SPTBN2: variants seen among roughly 807,000 people sequenced by gnomAD.
SPTBN2 encodes spectrin beta, non-erythrocytic 2, also known as spectrin beta chain, non-erythrocytic 2.
In SPTBN2, 107 loss-of-function variants were observed where a neutral mutation model predicts 284.2. That is an observed-to-expected ratio of 0.38 (90% confidence interval 0.32 to 0.44). SPTBN2 has a LOEUF of 0.44. Ranked by LOEUF, SPTBN2 falls within the 20% of genes least tolerant of loss-of-function variation. The pLI is 1.00. For missense variants in SPTBN2, 2,569 were observed against 3,287.1 expected, an observed-to-expected ratio of 0.78 and a Z score of 5.34; for synonymous variants, 1,289 against 1,354.8, an observed-to-expected ratio of 0.95 and a Z score of 1.07.
rs963520407 is a variant in SPTBN2, at chr11:66,720,945, A to C, written c.157+139T>G. On this transcript the variant is annotated intron_variant, in intron 3 of 37. Transcript: ENST00000533211. ...CCTATTCTTGAGGCTGGATGTGGGG[A>C]CCAGGGAATTGATAGAGTGCTCTGG... 6 of 1,153,024 alleles carry C rather than the reference A, an allele frequency of 5.2e-6. No individual in the cohort carries two copies. The African/African-American group carries it at 9.2e-5, about 18-fold the overall frequency. The allele number at this position is 1,153,024 out of a possible 1,614,324, so 71.4% of individuals were successfully genotyped here. A position where few individuals can be genotyped will look rare whatever the true frequency, so the allele number is the denominator to read the frequency against.
rs903836770 is a variant in SPTBN2 at position 66,684,634 on chromosome 11, CAAAAA to C, written c.*1232_*1236del. On this transcript the variant is annotated 3_prime_UTR_variant, in exon 38 of 38. Coordinates refer to ENST00000533211, the MANE Select transcript of SPTBN2 (RefSeq NM_006946.4). ...TGGCTGACAGAGTGAGACTCTGTCT[CAAAAA>C]AAAAAAAAAAAAAGAATATATATTA... Among the ~76,000 whole-genome samples the C allele has an allele frequency of 5.0e-5, 3 of 60,406 alleles. No homozygotes were observed. The highest frequency in any genetic ancestry group is 5.7e-5 in the African/African-American group (1 of 17,450). The allele number at this position is 60,406 out of a possible 152,430, so 39.6% of individuals were successfully genotyped here. A position where few individuals can be genotyped will look rare whatever the true frequency, so the allele number is the denominator to read the frequency against.
chr11:66,729,422 G>A (rs896806683), upstream of SPTBN2, among the ~76,000 whole-genome samples: 5 of 152,060 alleles, frequency 3.3e-5, no homozygotes, highest in Admixed American at 6.5e-5. Flanking sequence ...ATGAGGGCCC[G>A]TTTCTATCCA....
chr11:66,729,107 AGGCCTGACAC>A lies in SPTBN2; in HGVS notation c.-490_-481del, dbSNP rs1292574364. ...GGTGGGGGTGGGGGCAGACATTTCT[AGGCCTGACAC>A]GGCTGGGTTTCTCCTTGGTTTGTTA... is the stretch of plus-strand genomic sequence containing the variant. On this transcript the variant is annotated 5_prime_UTR_variant, in exon 1 of 38. Transcript: ENST00000533211. 4 of 152,682 alleles carry A rather than the reference AGGCCTGACAC, an allele frequency of 2.6e-5. No homozygotes were observed. The highest frequency in any genetic ancestry group is 9.7e-5 in the African/African-American group (4 of 41,408). 9.5% of individuals were successfully genotyped at this position (152,682 alleles called of 1,614,324 possible). A position where few individuals can be genotyped will look rare whatever the true frequency, so the allele number is the denominator to read the frequency against.
At chr11:66,709,415 T>C (rs1941741372) in intron 10 of SPTBN2, among the ~76,000 whole-genome samples, 1 of 152,140 alleles carries the variant, frequency 6.6e-6, no homozygotes, top group Non-Finnish European at 1.5e-5. Context: ...TGACCTCAAG[T>C]GATCCACCCG....
intron 1 of SPTBN2, among the ~76,000 whole-genome samples, chr11:66,742,662 T>G (rs1280669307): frequency 6.6e-6 from 1 of 151,682 alleles, no homozygotes; most frequent in African/African-American, 2.4e-5. Context: ...CGGGCTAGAG[T>G]GCAGTGGTGT....
At chr11:66,689,261 C>T in intron 29 of SPTBN2, 81 bp from the exon 30 acceptor site, 2 of 1,401,580 alleles carry the variant, frequency 1.4e-6, no homozygotes, top group Non-Finnish European at 2.0e-6. Context: ...TCCAGGGGGA[C>T]AGGTGATTTC....
Position 66,688,708 on chromosome 11 carries a change from T to C in SPTBN2, c.6176A>G (p.Gln2059Arg). The change falls in exon 31 of 38, where the codon CAG becomes CGG. Residue 2059 changes from glutamine to arginine, a missense_variant. Coordinates refer to ENST00000533211, the MANE Select transcript of SPTBN2 (RefSeq NM_006946.4). The part of the protein sequence containing the change: ...ESLIKRHEAF[Q>R]KSAVAWEERF... ...CTCCTCCCAGGCCACTGCTGACTTC[T>C]GGAAGGCCTCGTGCCGCTTGATGAG... The C allele has an allele frequency of 6.2e-7, 1 of 1,613,992 alleles. No individual in the cohort carries two copies. Among genetic ancestry groups the C allele is most frequent in the Non-Finnish European group, 8.5e-7 (1 of 1,180,022 alleles).
In SPTBN2 at chr11:66,691,266, C is replaced by T; in HGVS notation, c.5565+18G>A. On this transcript the variant is annotated intron_variant, in intron 27 of 37. Coordinates refer to ENST00000533211, the MANE Select transcript of SPTBN2 (RefSeq NM_006946.4). The surrounding 1 kb of genome is among the most constrained non-coding windows in gnomAD (Gnocchi z 8.0). ...GCCTCCTCTAAGCCTCCCCCACCTC[C>T]TCATGCTTGGGTCAGACCTGGGGGC... 6.6e-6 allele frequency: 10 copies of T among 1,515,416 alleles called. No homozygotes were observed. Among genetic ancestry groups the T allele is most frequent in the Non-Finnish European group, 8.8e-6 (10 of 1,130,626 alleles). The allele number at this position is 1,515,416 out of a possible 1,614,324, so 93.9% of individuals were successfully genotyped here. A position where few individuals can be genotyped will look rare whatever the true frequency, so the allele number is the denominator to read the frequency against.
At chr11:66,706,001 C>A (rs187857708) in intron 13 of SPTBN2, among the ~76,000 whole-genome samples, 164 bp from the exon 14 acceptor site, 1 of 152,240 alleles carries the variant, frequency 6.6e-6, no homozygotes, top group African/African-American at 2.4e-5. Flanking sequence ...GGCACCCCGA[C>A]CTCCTTATCC....
chr11:66,727,671 G>C (rs972631087), intron 1 of SPTBN2, among the ~76,000 whole-genome samples: 23 of 152,224 alleles, frequency 1.5e-4, no homozygotes, highest in Non-Finnish European at 1.0e-4. Flanking sequence ...ACACACTGTG[G>C]GGGAACAGAA....
chr11:66,744,519 G>T (rs1355330301), intron 1 of SPTBN2: 3 of 192,154 alleles, frequency 1.6e-5, no homozygotes, highest in Non-Finnish European at 3.1e-5. Flanking sequence ...GAGGAGTCGT[G>T]GCCTGGCCTC....
Position 66,714,152 on chromosome 11 carries a change from G to A in SPTBN2, c.595C>T (p.His199Tyr). Reference protein sequence around the residue: ...KTAGYPNVNVHNFTTSWRDGL... With the variant: ...KTAGYPNVNVYNFTTSWRDGL... The stretch of plus-strand genomic sequence containing the variant: ...TCTCTCCAGCTGGTGGTGAAGTTGT[G>A]TACATTGACGTTGGGATAACTATAA... The change falls in exon 7 of 38, where the codon CAC (histidine) becomes TAC (tyrosine). Residue 199 changes from histidine to tyrosine, a missense_variant. By Grantham distance (83) the His-to-Tyr change is moderately conservative. Transcript: ENST00000533211. 1.2e-6 allele frequency: 2 copies of A among 1,614,212 alleles called. No individual in the cohort carries two copies. Among genetic ancestry groups the A allele is most frequent in the Non-Finnish European group, 1.7e-6 (2 of 1,180,034 alleles).
chr11:66,696,667 G>T, intron 20 of SPTBN2, 127 bp from the exon 21 acceptor site: 1 of 1,308,624 alleles, frequency 7.6e-7, no homozygotes, highest in Non-Finnish European at 1.1e-6. Flanking sequence ...GTCCTTGTGT[G>T]TTCTTATCGA....
At chr11:66,731,488 C>T (rs758145047), upstream of SPTBN2, among the ~76,000 whole-genome samples, 1 of 152,172 alleles carries the variant, frequency 6.6e-6, no homozygotes, top group Non-Finnish European at 1.5e-5. Flanking sequence ...CATACATAGC[C>T]GAATTCTCAG....
rs542758880 is a variant in SPTBN2, at chr11:66,692,642, C to G, written c.5084G>C (p.Arg1695Pro). Reference sequence around the variant, plus strand: ...CAGCTCGCGGCGGAGCTGGCACAGCCGGAGGTGCTCCTGCAGGCGCTCCCG... The same window carrying G: ...CAGCTCGCGGCGGAGCTGGCACAGCGGGAGGTGCTCCTGCAGGCGCTCCCG... Reference protein sequence around the residue: ...ERRERLQEHLRLCQLRRELDD... With the variant: ...ERRERLQEHLPLCQLRRELDD... The change falls in exon 26 of 38, where the codon CGG (arginine) becomes CCG (proline). Residue 1695 changes from arginine to proline, a missense_variant. Around this residue, in one of 6 missense-constraint regions of SPTBN2, gnomAD observed 1,130 missense variants for 1,317.3 expected, o/e 0.86. Coordinates refer to ENST00000533211, the MANE Select transcript of SPTBN2 (RefSeq NM_006946.4). The G allele has an allele frequency of 6.2e-7, 1 of 1,605,390 alleles. No homozygotes were observed.
Position 66,688,778 on chromosome 11 carries a change from C to T in SPTBN2, c.6106G>A (p.Val2036Met). 6.2e-7 allele frequency: 1 copy of T among 1,613,300 alleles called. No individual in the cohort carries two copies. The highest frequency in any genetic ancestry group is 8.5e-7 in the Non-Finnish European group (1 of 1,180,038). Residue 2036 changes from valine (V) to methionine (M), a missense_variant, in exon 31 of 38, where the codon GTG becomes ATG. Physicochemically the swap from Val to Met is conservative, Grantham distance 21. Coordinates refer to ENST00000533211, the MANE Select transcript of SPTBN2 (RefSeq NM_006946.4). Reference protein sequence around the residue: ...EAWLCSQEPLVRSAELGCTVD... With the variant: ...EAWLCSQEPLMRSAELGCTVD... Reference sequence around the variant, plus strand: ...GTGCAACCCAGCTCAGCGCTGCGCACCAGTGGCTCCTGGCTGCAGAGCCAG... The same window carrying T: ...GTGCAACCCAGCTCAGCGCTGCGCATCAGTGGCTCCTGGCTGCAGAGCCAG...
rs545408370 is a variant in SPTBN2, at chr11:66,683,379, T to C, written c.*2492A>G. On this transcript the variant is annotated 3_prime_UTR_variant, in exon 38 of 38. Coordinates refer to ENST00000533211, the MANE Select transcript of SPTBN2 (RefSeq NM_006946.4). Reference sequence around the variant, plus strand: ...CCGCGCCCGGCCCAAGTAATCCATTTTTATCTGCCATCTCTCTCCATTGAT... The same window carrying C: ...CCGCGCCCGGCCCAAGTAATCCATTCTTATCTGCCATCTCTCTCCATTGAT... Among the ~76,000 whole-genome samples the C allele has an allele frequency of 2.0e-5, 3 of 152,338 alleles. No homozygotes were observed. The East Asian group carries it at 5.8e-4, about 29-fold the overall frequency.
At chr11:66,731,106 C>A (rs1942807169), upstream of SPTBN2, among the ~76,000 whole-genome samples, 1 of 152,148 alleles carries the variant, frequency 6.6e-6, no homozygotes, top group Non-Finnish European at 1.5e-5. Flanking sequence ...TGGGGAACAT[C>A]AAATGAATTA....
chr11:66,697,178 G>C (rs976916191), intron 20 of SPTBN2, among the ~76,000 whole-genome samples: 1 of 152,118 alleles, frequency 6.6e-6, no homozygotes, highest in South Asian at 2.1e-4. Context: ...TGAGGGTTGG[G>C]CTCCTGATGC....
Sources: gnomAD v4.1 joint callset for allele counts (sites outside exome capture counted in the v4.1 genomes callset) on GRCh38, gnomAD v4.1.1 for gene constraint, gnomAD v4.1.1 regional missense constraint, Gnocchi (gnomAD v3.1) non-coding constraint, MANE v1.5 for transcripts, NCBI Gene and HGNC (gene_info 2026-07-23, HGNC 2026-07-21) for gene names.